GRM8: variants seen among roughly 807,000 people sequenced by gnomAD.
GRM8 encodes metabotropic glutamate receptor 8.
Under a neutral mutation model 87.2 loss-of-function variants are expected in GRM8, and 47 were observed. The observed-to-expected ratio is 0.54, with a 90% CI of 0.43 to 0.69. The LOEUF is 0.69. GRM8 is among the 30% of genes least tolerant of loss of function. GRM8 has a pLI of 0.00. For missense variants in GRM8, 1,019 were observed against 1,139.2 expected (o/e 0.89, Z 1.52); for synonymous variants, 396 against 404.5 (o/e 0.98, Z 0.25).
chr7:126,842,300 T>A (rs1234000212), intron 6 of GRM8, among the ~76,000 whole-genome samples: 1 of 152,072 alleles, frequency 6.6e-6, no homozygotes, highest in Admixed American at 6.5e-5. Flanking sequence ...ACCAGATGAG[T>A]CTTTATAGTT....
intron 7 of GRM8, among the ~76,000 whole-genome samples, chr7:126,717,276 AG>A (rs1243815508): frequency 6.6e-6 from 1 of 152,124 alleles, no homozygotes; most frequent in Non-Finnish European, 1.5e-5. Context: ...TAATTCTAGA[AG>A]GGTGGAGATG....
At chr7:127,237,699 C>T (rs1798056883) in intron 2 of GRM8, among the ~76,000 whole-genome samples, 1 of 152,176 alleles carries the variant, frequency 6.6e-6, no homozygotes, top group Non-Finnish European at 1.5e-5. Context: ...GGATACACTA[C>T]AGACTATCTA....
intron 9 of GRM8, among the ~76,000 whole-genome samples, chr7:126,530,301 T>C (rs1814589440): frequency 6.6e-6 from 1 of 152,250 alleles, no homozygotes; most frequent in South Asian, 2.1e-4. Context: ...TTTGCTCTTC[T>C]ACATGTTGGA....
intron 8 of GRM8, among the ~76,000 whole-genome samples, chr7:126,579,790 A>G (rs538925382): frequency 2.6e-5 from 4 of 152,280 alleles, no homozygotes; most frequent in African/African-American, 9.6e-5. Flanking sequence ...TTAAGGAATT[A>G]GTAAAAACTA....
At chr7:126,665,394 T>C (rs967318641) in intron 7 of GRM8, among the ~76,000 whole-genome samples, 1 of 152,154 alleles carries the variant, frequency 6.6e-6, no homozygotes, top group Non-Finnish European at 1.5e-5. Context: ...ACCTAATACG[T>C]ATTCACCATA....
rs898185189 is a variant in GRM8, at chr7:127,043,764, TA to T, written c.727+62731del. ...ATGTACCCTAAAACTTAAAGTATAATAAAAAAAATAAAATAAAAAATAAAAA... is the reference window on the plus strand; with the variant it reads ...ATGTACCCTAAAACTTAAAGTATAATAAAAAAATAAAATAAAAAATAAAAA... On this transcript the variant is annotated intron_variant, in intron 3 of 10. Transcript: ENST00000339582. Among the ~76,000 whole-genome samples, 337 of 151,636 alleles carry T rather than the reference TA, an allele frequency of 2.2e-3. 2 individuals are homozygous for T. Among genetic ancestry groups the T allele is most frequent in the Admixed American group, 3.7e-3 (57 of 15,250 alleles).
At chr7:126,934,382 G>C (rs1806072779) in intron 3 of GRM8, among the ~76,000 whole-genome samples, 1 of 152,114 alleles carries the variant, frequency 6.6e-6, no homozygotes, top group African/African-American at 2.4e-5. Flanking sequence ...GGTGTACATG[G>C]AGGTTAAACC....
intron 7 of GRM8, among the ~76,000 whole-genome samples, chr7:126,680,627 A>C (rs1585495183): frequency 6.6e-6 from 1 of 152,190 alleles, no homozygotes; most frequent in Non-Finnish European, 1.5e-5. Context: ...TTTTAGATTA[A>C]TAACTCCTGT....
chr7:126,928,206 T>C (rs1805347523), intron 3 of GRM8, among the ~76,000 whole-genome samples: 1 of 101,444 alleles, frequency 9.9e-6, no homozygotes, highest in Non-Finnish European at 1.8e-5. Context: ...CATCACACAC[T>C]GCAGCATGTT....
chr7:126,609,426 T>C lies in GRM8; in HGVS notation c.1430A>G (p.Gln477Arg). ...GTACTCTGTGCTTTTGTTGGTTATTTGATACTGGAAGATATCATAACGTCC... is the reference window on the plus strand; with the variant it reads ...GTACTCTGTGCTTTTGTTGGTTATTCGATACTGGAAGATATCATAACGTCC... ...APGRYDIFQYQITNKSTEYKV... is the reference protein window; with the variant it reads ...APGRYDIFQYRITNKSTEYKV... Residue 477 changes from glutamine to arginine, a missense_variant, in exon 8 of 11, where the codon CAA (glutamine) becomes CGA (arginine). Gln to Arg is a conservative substitution (Grantham distance 43). Coordinates refer to ENST00000339582, the MANE Select transcript of GRM8 (RefSeq NM_000845.3). The C allele has an allele frequency of 1.2e-6, 2 of 1,613,152 alleles. No homozygotes were observed. Among genetic ancestry groups the C allele is most frequent in the Non-Finnish European group, 8.5e-7 (1 of 1,179,080 alleles).
At chr7:126,937,657 G>A (rs1436868955) in intron 3 of GRM8, among the ~76,000 whole-genome samples, 1 of 152,210 alleles carries the variant, frequency 6.6e-6, no homozygotes, top group Non-Finnish European at 1.5e-5. Flanking sequence ...TTCTTGCCCA[G>A]AGAAATGTAA....
At chr7:126,589,822 C>G (rs2151038011) in intron 8 of GRM8, among the ~76,000 whole-genome samples, 1 of 152,260 alleles carries the variant, frequency 6.6e-6, no homozygotes, top group Admixed American at 6.5e-5. Flanking sequence ...CAGACACCCC[C>G]TAGTAGGTAA....
rs187894995 is a variant in GRM8 at position 126,994,200 on chromosome 7, C to T, written c.728-89517G>A. On this transcript the variant is annotated intron_variant, in intron 3 of 10. Transcript: ENST00000339582. ...GAGTAGTGAGGCCTGCATCCTAGGC[C>T]CTACCTCCCAGATGACATTTCTAGA... Among the ~76,000 whole-genome samples the T allele has an allele frequency of 2.3e-4, 35 of 152,202 alleles. 1 individual carries two copies. In the East Asian group the frequency reaches 5.4e-3, roughly 24 times the overall value.
intron 6 of GRM8, among the ~76,000 whole-genome samples, chr7:126,864,386 C>T (rs1396869814): frequency 1.3e-5 from 2 of 152,010 alleles, no homozygotes; most frequent in African/African-American, 4.8e-5. Flanking sequence ...TCCTCGACAG[C>T]TCTATTTCCA....
At chr7:126,884,390 C>A (rs1438802116) in intron 6 of GRM8, among the ~76,000 whole-genome samples, 1 of 152,074 alleles carries the variant, frequency 6.6e-6, no homozygotes, top group Non-Finnish European at 1.5e-5. Flanking sequence ...AAACAAAATG[C>A]AAACAGCCAC....
chr7:127,060,784 T>C (rs906920069), intron 3 of GRM8, among the ~76,000 whole-genome samples: 1 of 150,446 alleles, frequency 6.6e-6, no homozygotes, highest in African/African-American at 2.5e-5. Context: ...TTCATCTAGA[T>C]AGAATTTAAG....
intron 3 of GRM8, among the ~76,000 whole-genome samples, chr7:126,970,435 T>A (rs1225226823): frequency 6.6e-6 from 1 of 152,212 alleles, no homozygotes; most frequent in Non-Finnish European, 1.5e-5. Flanking sequence ...GGAAACAGCT[T>A]CTTTCCTGAA....
intron 3 of GRM8, among the ~76,000 whole-genome samples, chr7:127,015,124 G>A (rs1397536650): frequency 4.3e-5 from 6 of 139,202 alleles, no homozygotes; most frequent in African/African-American, 8.1e-5. Context: ...AGGAGAAGAA[G>A]GAGAAGGAGA....
intron 3 of GRM8, among the ~76,000 whole-genome samples, chr7:127,006,469 C>T (rs573093819): frequency 1.3e-5 from 2 of 152,112 alleles, no homozygotes; most frequent in South Asian, 2.1e-4. Context: ...CTACTCTACC[C>T]GCTTTTTCTT....
Sources: gnomAD v4.1 joint callset for allele counts (sites outside exome capture counted in the v4.1 genomes callset) on GRCh38, gnomAD v4.1.1 for gene constraint, MANE v1.5 for transcripts, NCBI Gene and HGNC (gene_info 2026-07-23, HGNC 2026-07-21) for gene names.